The following STRN3 variants were observed in gnomAD, a reference collection of about 807,000 sequenced individuals.
STRN3 encodes striatin-3.
STRN3 carries 29 observed loss-of-function variants against 95.6 expected under a neutral mutation model. The observed-to-expected ratio is 0.30, with a 90% confidence interval of 0.23 to 0.41. STRN3 has a LOEUF of 0.41. STRN3 is among the 10% of genes least tolerant of loss of function. STRN3 has a pLI of 1.00. For synonymous variants in STRN3, 331 were observed against 357.6 expected, an observed-to-expected ratio of 0.93 and a Z score of 0.84; for missense variants, 890 against 972.1, an observed-to-expected ratio of 0.92 and a Z score of 1.12.
chr14:30,906,760 A>G (rs1351647305), intron 14 of STRN3, 117 bp downstream of exon 14: 3 of 1,145,058 alleles, frequency 2.6e-6, no homozygotes, highest in Non-Finnish European at 3.6e-6. Flanking sequence ...AACTTTTACA[A>G]AATTCATTCA....
intron 1 of STRN3, among the ~76,000 whole-genome samples, chr14:30,985,430 C>T (rs893574992): frequency 1.2e-4 from 18 of 152,156 alleles, no homozygotes; most frequent in African/African-American, 3.9e-4. Context: ...ATCATGAAAC[C>T]CCGTCTCTAC....
At chr14:30,965,524 A>G (rs1176993770) in intron 1 of STRN3, among the ~76,000 whole-genome samples, 1 of 151,992 alleles carries the variant, frequency 6.6e-6, no homozygotes, top group African/African-American at 2.4e-5. Context: ...CATCTCTAAA[A>G]AAAAACAAAA....
intron 4 of STRN3, among the ~76,000 whole-genome samples, chr14:30,948,370 T>C (rs1025866327): frequency 1.3e-5 from 2 of 152,158 alleles, no homozygotes; most frequent in African/African-American, 4.8e-5. Context: ...TTGGTAATAT[T>C]TGAAGCCATG....
Position 31,002,766 on chromosome 14 carries a change from T to G in STRN3, c.282+23138A>C, listed in dbSNP as rs553798106. On this transcript the variant is annotated intron_variant, in intron 1 of 17. Transcript: ENST00000357479. ...GCATTTGTATGTATGAGTCCACTTA[T>G]GTAAGGTACCTAGAGTAGTCAAAAT... 1.2e-4 allele frequency among the ~76,000 whole-genome samples: 18 copies of G among 152,228 alleles called. No individual in the cohort carries two copies. The East Asian group carries it at 3.1e-3, about 26-fold the overall frequency.
intron 1 of STRN3, among the ~76,000 whole-genome samples, chr14:30,985,698 C>A (rs540963969): frequency 1.9e-5 from 2 of 106,570 alleles, no homozygotes; most frequent in South Asian, 2.5e-4. Flanking sequence ...AAGATCTTCA[C>A]ATAAATATGT....
At chr14:30,989,313 G>A (rs35128550) in intron 1 of STRN3, among the ~76,000 whole-genome samples, 2,373 of 152,226 alleles carry the variant, frequency 0.016, 26 homozygotes, top group Non-Finnish European at 0.022. Flanking sequence ...ACCTGGAAGA[G>A]ATGGCTTGCT....
At chr14:30,909,394 A>AGGAGGATG (rs71112351) in intron 13 of STRN3, among the ~76,000 whole-genome samples, 2 of 152,178 alleles carry the variant, frequency 1.3e-5, no homozygotes, top group Non-Finnish European at 2.9e-5. Flanking sequence ...CCAGCTCCTC[A>AGGAGGATG]GCCTGGGAGG....
In STRN3 at chr14:30,895,674, A is replaced by G. The variant is rs780527181; in HGVS notation, c.2212T>C (p.Leu738=). The change falls in exon 17 of 18, where the codon TTG becomes CTG. Residue 738 remains leucine, a synonymous_variant. Coordinates refer to ENST00000357479, the MANE Select transcript of STRN3 (RefSeq NM_001083893.2). The part of the protein sequence containing the change: ...SLAVDPNGIY[L]MSGSHDCSIR... ...CTTTAAGACTTACTTCCAGACATCA[A>G]ATAGATTCCATTAGGATCTACTGCT... The G allele has an allele frequency of 3.1e-6, 5 of 1,613,774 alleles. No individual in the cohort carries two copies. In the South Asian group the frequency reaches 4.4e-5, roughly 14 times the overall value.
intron 8 of STRN3, among the ~76,000 whole-genome samples, chr14:30,927,031 CGGT>C (rs1199692028): frequency 2.6e-5 from 4 of 151,968 alleles, no homozygotes; most frequent in Non-Finnish European, 5.9e-5. Context: ...AGGTCAAGCA[CGGT>C]GGCTCGTGCC....
chr14:30,918,641 T>C (rs1019417238), intron 9 of STRN3, among the ~76,000 whole-genome samples: 3 of 152,240 alleles, frequency 2.0e-5, no homozygotes, highest in Non-Finnish European at 2.9e-5. Flanking sequence ...TTTCCATATG[T>C]ATTATTTTAA....
chr14:30,983,541 T>G (rs941232385), intron 1 of STRN3, among the ~76,000 whole-genome samples: 1 of 152,184 alleles, frequency 6.6e-6, no homozygotes, highest in African/African-American at 2.4e-5. Flanking sequence ...CGAGACTCCG[T>G]CTCAAAAATA....
chr14:30,981,604 A>G (rs1022786826), intron 1 of STRN3, among the ~76,000 whole-genome samples: 1 of 151,498 alleles, frequency 6.6e-6, no homozygotes, highest in Non-Finnish European at 1.5e-5. Context: ...ACACACACAC[A>G]CACCCCATAA....
chr14:30,955,531 T>C, intron 3 of STRN3, 89 bp downstream of exon 3: 2 of 1,136,850 alleles, frequency 1.8e-6, no homozygotes, highest in Non-Finnish European at 2.5e-6. Context: ...TCTCTAATAT[T>C]ATCAAACCAA....
At chr14:30,930,557 T>G (rs1365580234) in intron 7 of STRN3, among the ~76,000 whole-genome samples, 1 of 152,180 alleles carries the variant, frequency 6.6e-6, no homozygotes, top group Non-Finnish European at 1.5e-5. Flanking sequence ...TCGGTCAGTA[T>G]GTGAAAAGCT....
chr14:31,011,818 G>A (rs1201406113), intron 1 of STRN3, among the ~76,000 whole-genome samples: 2 of 151,552 alleles, frequency 1.3e-5, no homozygotes, highest in African/African-American at 2.4e-5. Context: ...AGTGGCTAAC[G>A]GATGTAATCC....
rs184783103 is a variant in STRN3, at chr14:30,900,308, G to A, written c.2137+2228C>T. Among the ~76,000 whole-genome samples the A allele has an allele frequency of 2.3e-4, 34 of 149,984 alleles. 1 individual carries two copies. Among genetic ancestry groups the A allele is most frequent in the Admixed American group, 6.6e-4 (10 of 15,038 alleles). The stretch of plus-strand genomic sequence containing the variant: ...CAGGAGGCAGAGGTTGCAGTGAGCC[G>A]TGATCGTGCCACTGCACTCCAACCT... On this transcript the variant is annotated intron_variant, in intron 16 of 17. Transcript: ENST00000357479.
At chr14:30,942,349 A>G (rs1224159573) in intron 5 of STRN3, among the ~76,000 whole-genome samples, 4 of 152,144 alleles carry the variant, frequency 2.6e-5, no homozygotes, top group Non-Finnish European at 5.9e-5. Flanking sequence ...TCTGTGGATA[A>G]TTTTTCTCTT....
intron 7 of STRN3, among the ~76,000 whole-genome samples, chr14:30,934,792 G>C (rs1226924079): frequency 6.6e-6 from 1 of 152,012 alleles, no homozygotes; most frequent in Non-Finnish European, 1.5e-5. Flanking sequence ...TGGACATACA[G>C]AGAGTTAAAT....
intron 1 of STRN3, among the ~76,000 whole-genome samples, chr14:31,000,516 TAAA>T (rs11292937): frequency 6.9e-6 from 1 of 144,016 alleles, no homozygotes; most frequent in African/African-American, 2.6e-5. Context: ...CAAGAATCTT[TAAA>T]AAAAAAAAAA....
Sources: gnomAD v4.1 joint callset for allele counts (sites outside exome capture counted in the v4.1 genomes callset) on GRCh38, gnomAD v4.1.1 for gene constraint, MANE v1.5 for transcripts, NCBI Gene and HGNC (gene_info 2026-07-23, HGNC 2026-07-21) for gene names.